The following AMZ1 variants were observed in gnomAD, a reference collection of about 807,000 sequenced individuals.
AMZ1 encodes the protein archaelysin family metallopeptidase 1.
In AMZ1, 39 loss-of-function variants were observed where a neutral mutation model predicts 29.9. The ratio of observed to expected loss-of-function variants is 1.30; its 90% CI spans 1.01 to 1.70. The LOEUF is 1.70. Among genes scored for constraint, AMZ1 ranks in the 40% most tolerant of loss-of-function variants. The pLI is 0.00. For synonymous variants in AMZ1, 458 were observed against 304.0 expected (o/e 1.51, Z -5.27); for missense variants, 1,041 against 680.6 (o/e 1.53, Z -5.89).
intron 4 of AMZ1, among the ~76,000 whole-genome samples, chr7:2,726,619 G>A (rs1055692131): frequency 3.9e-5 from 6 of 152,196 alleles, no homozygotes; most frequent in Non-Finnish European, 7.3e-5. Context: ...TTTTTCTGGC[G>A]CACTCTCTGC....
rs555049794 is a variant in AMZ1, at chr7:2,756,221, G to T, written n.551-8491G>T. Among the ~76,000 whole-genome samples the T allele has an allele frequency of 2.6e-5, 4 of 152,236 alleles. No homozygotes were observed. In the South Asian group the frequency reaches 8.3e-4, roughly 32 times the overall value. On this transcript the variant is annotated intron_variant and non_coding_transcript_variant, in intron 4 of 4. Transcript: ENST00000489665. The stretch of plus-strand genomic sequence containing the variant: ...GGAAAGGAAAAGTTTTCAACAAATG[G>T]TGCTGGAAAAACTGGTGATCTGCAC...
intron 1 of AMZ1, among the ~76,000 whole-genome samples, chr7:2,692,162 C>T (rs1324179863): frequency 2.6e-5 from 4 of 152,310 alleles, no homozygotes; most frequent in East Asian, 1.9e-4. Context: ...AGTGCCTCCT[C>T]CTCCTACTTG....
At chr7:2,759,231 G>A (rs1386325874) in intron 4 of AMZ1, among the ~76,000 whole-genome samples, 3 of 151,366 alleles carry the variant, frequency 2.0e-5, no homozygotes, top group African/African-American at 4.9e-5. Flanking sequence ...AAAATATAAC[G>A]CTGAAGAAAT....
chr7:2,762,970 C>T (rs541216432), upstream of AMZ1: 27 of 1,354,256 alleles, frequency 2.0e-5, no homozygotes, highest in East Asian at 1.5e-4. Flanking sequence ...TCTCCTGCTC[C>T]TCAGAAAGAG....
chr7:2,744,149 G>T (rs924245561), intron 4 of AMZ1, among the ~76,000 whole-genome samples: 4 of 152,222 alleles, frequency 2.6e-5, no homozygotes, highest in African/African-American at 7.2e-5. Context: ...AAATGTCCCC[G>T]TCTGACAGCT....
At chr7:2,722,581 G>C (rs535126861), downstream of AMZ1, among the ~76,000 whole-genome samples, 1 of 152,304 alleles carries the variant, frequency 6.6e-6, no homozygotes, top group East Asian at 1.9e-4. Flanking sequence ...AGGACATTTT[G>C]AATGTTTTAA....
intron 1 of AMZ1, among the ~76,000 whole-genome samples, chr7:2,688,751 G>A (rs1051399445): frequency 2.0e-5 from 3 of 152,192 alleles, no homozygotes; most frequent in African/African-American, 7.2e-5. Context: ...CGTGCCCAGG[G>A]CTCCCCGCAG....
intron 1 of AMZ1, among the ~76,000 whole-genome samples, chr7:2,699,384 G>A (rs553794776): frequency 2.3e-4 from 35 of 152,292 alleles, no homozygotes; most frequent in Admixed American, 4.6e-4. Context: ...CGTCCTGGGT[G>A]TTGAAATCCG....
At position 2,700,334 on chromosome 7, in the gene AMZ1, C is replaced by T; in HGVS notation, c.-118C>T. On this transcript the variant is annotated 5_prime_UTR_variant, in exon 2 of 7. Coordinates refer to ENST00000683327, the MANE Select transcript of AMZ1 (RefSeq NM_001384743.1). The stretch of plus-strand genomic sequence containing the variant: ...ACCAGTGTCTGTCTGCAGGGAGCCC[C>T]CGGTAGCCACTCGGATCAGCCCGAG... The T allele has an allele frequency of 8.1e-7, 1 of 1,235,664 alleles. No homozygotes were observed. Among genetic ancestry groups the T allele is most frequent in the South Asian group, 1.5e-5 (1 of 67,880 alleles). The allele number at this position is 1,235,664 out of a possible 1,614,324, so 76.5% of individuals were successfully genotyped here. A position where few individuals can be genotyped will look rare whatever the true frequency, so the allele number is the denominator to read the frequency against.
intron 4 of AMZ1, among the ~76,000 whole-genome samples, chr7:2,738,457 G>A (rs568166156): frequency 2.0e-5 from 3 of 152,266 alleles, no homozygotes; most frequent in African/African-American, 7.2e-5. Flanking sequence ...GCTGGAAGGA[G>A]GTTTCCGATA....
chr7:2,732,899 A>C (rs1041660094), intron 4 of AMZ1, among the ~76,000 whole-genome samples: 47 of 152,246 alleles, frequency 3.1e-4, no homozygotes, highest in African/African-American at 1.1e-3. Flanking sequence ...AAACTCTGCT[A>C]AAACAAAGCA....
intron 1 of AMZ1, among the ~76,000 whole-genome samples, chr7:2,682,352 G>A (rs957774974): frequency 3.9e-5 from 6 of 152,202 alleles, no homozygotes; most frequent in African/African-American, 1.4e-4. Context: ...ATGACACCGG[G>A]TGGGCCCCCA....
At chr7:2,750,183 C>T (rs1790963236) in intron 4 of AMZ1, among the ~76,000 whole-genome samples, 2 of 152,136 alleles carry the variant, frequency 1.3e-5, no homozygotes, top group South Asian at 4.2e-4. Flanking sequence ...TCGTCACTCC[C>T]ATCCTCACAG....
chr7:2,708,069 C>T (rs1429171599), intron 3 of AMZ1, among the ~76,000 whole-genome samples: 3 of 152,096 alleles, frequency 2.0e-5, no homozygotes, highest in Non-Finnish European at 4.4e-5. Flanking sequence ...GTGATCTGCC[C>T]ATCTTGGCCT....
chr7:2,748,659 T>C (rs904139760), intron 4 of AMZ1, among the ~76,000 whole-genome samples: 8 of 151,972 alleles, frequency 5.3e-5, no homozygotes, highest in African/African-American at 1.7e-4. Flanking sequence ...AATTGACAAA[T>C]GGGATCTAAT....
intron 4 of AMZ1, among the ~76,000 whole-genome samples, chr7:2,758,923 C>A: frequency 6.6e-6 from 1 of 152,040 alleles, no homozygotes; most frequent in Non-Finnish European, 1.5e-5. Flanking sequence ...GGTGGATCAC[C>A]TGAGGTCAGG....
intron 1 of AMZ1, among the ~76,000 whole-genome samples, chr7:2,681,147 T>C (rs894905313): frequency 6.6e-6 from 1 of 152,188 alleles, no homozygotes; most frequent in Non-Finnish European, 1.5e-5. Flanking sequence ...CTGAGCTCGG[T>C]GCCACTCAGG....
At chr7:2,734,929 C>T (rs1258623332) in intron 4 of AMZ1, among the ~76,000 whole-genome samples, 3 of 152,158 alleles carry the variant, frequency 2.0e-5, no homozygotes, top group African/African-American at 2.4e-5. Flanking sequence ...GGGCCCGGCA[C>T]GACTGACCTC....
rs755846027 is a variant in AMZ1, at chr7:2,712,463, GCACCAGTGTGTCGGAGCCCCT to G, written c.1087_1107del (p.Ser363_Thr369del). On this transcript the variant is annotated inframe_deletion, in exon 7 of 7. Transcript: ENST00000683327. Reference sequence around the variant, plus strand: ...TGCTGTGAGAGTGACTCGGAGCCCGGCACCAGTGTGTCGGAGCCCCTCACCCCTGATGCCGGGAGTCACACC... The same window carrying G: ...TGCTGTGAGAGTGACTCGGAGCCCGGCACCCCTGATGCCGGGAGTCACACC... 8 of 1,610,786 alleles carry G rather than the reference GCACCAGTGTGTCGGAGCCCCT, an allele frequency of 5.0e-6. No homozygotes were observed. The highest frequency in any genetic ancestry group is 1.6e-4 in the Middle Eastern group (1 of 6,072).
Sources: gnomAD v4.1 joint callset for allele counts (sites outside exome capture counted in the v4.1 genomes callset) on GRCh38, gnomAD v4.1.1 for gene constraint, MANE v1.5 for transcripts, NCBI Gene and HGNC (gene_info 2026-07-23, HGNC 2026-07-21) for gene names.